The following SMG7 variants were observed in gnomAD, a reference collection of about 807,000 sequenced individuals.
SMG7 encodes the protein nonsense-mediated mRNA decay factor SMG7.
A neutral mutation model predicts 148.2 loss-of-function variants in SMG7; 34 were observed. The observed-to-expected ratio is 0.23, with a 90% CI of 0.17 to 0.31. SMG7 has a LOEUF of 0.31. Ranked by LOEUF, SMG7 falls within the 10% of genes least tolerant of loss-of-function variation. The pLI is 1.00. For synonymous variants in SMG7, 492 were observed against 515.1 expected, an observed-to-expected ratio of 0.96 and a Z score of 0.61; for missense variants, 1,114 against 1,408.4, an observed-to-expected ratio of 0.79 and a Z score of 3.35.
At chr1:183,518,909 A>G (rs183078503) in intron 4 of SMG7, among the ~76,000 whole-genome samples, 10 of 152,300 alleles carry the variant, frequency 6.6e-5, no homozygotes, top group Non-Finnish European at 8.8e-5. Flanking sequence ...ATTGCTGCCT[A>G]TATTTTGGCT....
At chr1:183,515,505 A>G (rs1663274836) in intron 2 of SMG7, among the ~76,000 whole-genome samples, 1 of 152,096 alleles carries the variant, frequency 6.6e-6, no homozygotes, top group Non-Finnish European at 1.5e-5. Context: ...GACCAACTTG[A>G]CAGTCTGTTA....
chr1:183,488,498 C>G (rs1490554686), intron 1 of SMG7, among the ~76,000 whole-genome samples: 1 of 152,064 alleles, frequency 6.6e-6, no homozygotes, highest in Non-Finnish European at 1.5e-5. Context: ...GTGTGGTAGC[C>G]ACTGGCCACA....
At chr1:183,518,330 T>C (rs767083598) in intron 4 of SMG7, among the ~76,000 whole-genome samples, 9 of 151,456 alleles carry the variant, frequency 5.9e-5, no homozygotes, top group Non-Finnish European at 8.8e-5. Context: ...AGCTTAAAGG[T>C]TGGAAGTTTA....
At position 183,472,711 on chromosome 1, in the gene SMG7, A is replaced by G. The variant is rs3905119; in HGVS notation, c.29+62A>G. ...GGGCCGCAGGTTGGGGCATGGAGCA[A>G]CAGACACCGAGGTAAGTCCGGGGTG... is the stretch of plus-strand genomic sequence containing the variant. On this transcript the variant is annotated intron_variant, in intron 1 of 22. Transcript: ENST00000688051. The G allele has an allele frequency of 3.7e-4, 506 of 1,375,296 alleles. 3 individuals carry two copies. The African/African-American group carries it at 6.3e-3, about 17-fold the overall frequency. The allele number at this position is 1,375,296 out of a possible 1,614,324, so 85.2% of individuals were successfully genotyped here.
chr1:183,522,271 T>C lies in SMG7; in HGVS notation c.313-4325T>C, dbSNP rs545847819. Among the ~76,000 whole-genome samples, 13 of 152,262 alleles carry C rather than the reference T, an allele frequency of 8.5e-5. No individual in the cohort carries two copies. In the South Asian group the frequency reaches 2.7e-3, roughly 32 times the overall value. On this transcript the variant is annotated intron_variant, in intron 4 of 22. Coordinates refer to ENST00000688051, the MANE Select transcript of SMG7 (RefSeq NM_001375584.1). The stretch of plus-strand genomic sequence containing the variant: ...ACATCATAAAATCATAAAAATTTTA[T>C]GATTATAGTAAAGAACCCTGACTTA...
chr1:183,495,933 A>T (rs1411926357), intron 1 of SMG7, among the ~76,000 whole-genome samples: 1 of 152,036 alleles, frequency 6.6e-6, no homozygotes, highest in Non-Finnish European at 1.5e-5. Flanking sequence ...TTTAGCTTTT[A>T]ATATATGAAC....
chr1:183,540,888 A>G (rs1668697044), intron 12 of SMG7, 96 bp from the exon 13 acceptor site: 1 of 1,150,782 alleles, frequency 8.7e-7, no homozygotes. Flanking sequence ...TGTGGGAAGT[A>G]ATCTGAAGCC....
chr1:183,485,295 A>G (rs1655168505), intron 1 of SMG7, among the ~76,000 whole-genome samples: 1 of 152,114 alleles, frequency 6.6e-6, no homozygotes, highest in Non-Finnish European at 1.5e-5. Context: ...ACATAATGTA[A>G]TATGTAGAAT....
chr1:183,535,493 T>G (rs1255284484), intron 10 of SMG7, among the ~76,000 whole-genome samples: 1 of 152,230 alleles, frequency 6.6e-6, no homozygotes, highest in Non-Finnish European at 1.5e-5. Context: ...GGATATCACT[T>G]TAAAACTGAA....
chr1:183,515,355 C>A (rs1054269971), intron 2 of SMG7, among the ~76,000 whole-genome samples: 1 of 152,090 alleles, frequency 6.6e-6, no homozygotes, highest in Non-Finnish European at 1.5e-5. Flanking sequence ...CTGCAGAATA[C>A]CAAAGCAACT....
rs1383759771 is a variant in SMG7, at chr1:183,550,620, T to G, written c.3134-131T>G. The stretch of plus-strand genomic sequence containing the variant: ...TAGCAGATCTCTTTGGAGCCTTTAG[T>G]TTCCCTTTCCTTCAAAGCCCTGTGG... On this transcript the variant is annotated intron_variant, in intron 20 of 22. Transcript: ENST00000688051. 9.3e-6 allele frequency: 8 copies of G among 861,174 alleles called. No homozygotes were observed. In the East Asian group the frequency reaches 2.1e-4, roughly 22 times the overall value. The allele number at this position is 861,174 out of a possible 1,614,324, so 53.3% of individuals were successfully genotyped here. A position where few individuals can be genotyped will look rare whatever the true frequency, so the allele number is the denominator to read the frequency against.
chr1:183,512,876 C>A lies in SMG7; in HGVS notation c.61+8C>A. 1 of 1,539,720 alleles carries A rather than the reference C, an allele frequency of 6.5e-7. No homozygotes were observed. The highest frequency in any genetic ancestry group is 8.7e-7 in the Non-Finnish European group (1 of 1,143,666). ...TGAAGGCTGACATGACAGGTATTGGCTGGCTTATTTCTTTTTCACAACATA... is the reference window on the plus strand; with the variant it reads ...TGAAGGCTGACATGACAGGTATTGGATGGCTTATTTCTTTTTCACAACATA... On this transcript the variant is annotated splice_region_variant and intron_variant, in intron 2 of 22. Transcript: ENST00000688051.
chr1:183,545,926 C>T lies in SMG7; in HGVS notation c.2371-40C>T, dbSNP rs1164621011. On this transcript the variant is annotated intron_variant, in intron 16 of 22. Coordinates refer to ENST00000688051, the MANE Select transcript of SMG7 (RefSeq NM_001375584.1). ...TTAGCATTCATTATAAGTAATATTG[C>T]ATTTTATCCTCACCTTTATGACAGG... 5.9e-6 allele frequency: 9 copies of T among 1,533,536 alleles called. No individual in the cohort carries two copies. In the Admixed American group the frequency reaches 2.0e-4, roughly 34 times the overall value. The allele number at this position is 1,533,536 out of a possible 1,614,324, so 95.0% of individuals were successfully genotyped here.
Position 183,472,620 on chromosome 1 carries a change from G to T in SMG7, c.-1G>T. On this transcript the variant is annotated 5_prime_UTR_variant, in exon 1 of 23. Coordinates refer to ENST00000688051, the MANE Select transcript of SMG7 (RefSeq NM_001375584.1). ...GGAAGACGCGGCGGCGGCGGCGGAG[G>T]ATGAGCCTGCAGAGCGCGCAGTACC... The T allele has an allele frequency of 6.9e-7, 1 of 1,456,752 alleles. No homozygotes were observed. The highest frequency in any genetic ancestry group is 9.1e-7 in the Non-Finnish European group (1 of 1,093,400). The allele number at this position is 1,456,752 out of a possible 1,614,324, so 90.2% of individuals were successfully genotyped here.
At chr1:183,482,036 G>A (rs1170822972) in intron 1 of SMG7, among the ~76,000 whole-genome samples, 1 of 152,088 alleles carries the variant, frequency 6.6e-6, no homozygotes. Context: ...GAGTATAGCA[G>A]GCAAAGAACA....
chr1:183,536,257 CTAAT>C (rs892954481), intron 10 of SMG7, among the ~76,000 whole-genome samples: 2 of 152,092 alleles, frequency 1.3e-5, no homozygotes, highest in African/African-American at 4.8e-5. Flanking sequence ...TTATTTTAAG[CTAAT>C]TACTTTAACC....
chr1:183,499,942 A>G (rs772313518), intron 1 of SMG7, among the ~76,000 whole-genome samples: 8 of 152,156 alleles, frequency 5.3e-5, no homozygotes, highest in Non-Finnish European at 7.4e-5. Flanking sequence ...TTATCTGACC[A>G]TTTATATATT....
rs771384293 is a variant in SMG7, at chr1:183,529,538, G to T, written c.843+5G>T. Reference sequence around the variant, plus strand: ...AAATTGGAAGAACAGTTTAAGGTTAGATTTCAGAAATAGAGAATTTTTGTC... The same window carrying T: ...AAATTGGAAGAACAGTTTAAGGTTATATTTCAGAAATAGAGAATTTTTGTC... On this transcript the variant is annotated splice_donor_5th_base_variant and intron_variant, in intron 8 of 22. Transcript: ENST00000688051. The T allele has an allele frequency of 1.2e-6, 2 of 1,604,942 alleles. No individual in the cohort carries two copies. Among genetic ancestry groups the T allele is most frequent in the South Asian group, 2.2e-5 (2 of 89,142 alleles).
In SMG7 at chr1:183,529,438, A is replaced by G. The variant is rs766950124; in HGVS notation, c.748A>G (p.Ile250Val). 6.2e-7 allele frequency: 1 copy of G among 1,613,500 alleles called. No homozygotes were observed. The highest frequency in any genetic ancestry group is 8.5e-7 in the Non-Finnish European group (1 of 1,179,538). ...VKTKWGVSDF[I>V]KAFIKFHGHV... ...AACCAAGTGGGGTGTTTCTGACTTC[A>G]TCAAGGCCTTTATTAAATTCCACGG... Residue 250 changes from isoleucine to valine, a missense_variant, in exon 8 of 23, where the codon ATC becomes GTC. Physicochemically the swap from Ile to Val is conservative, Grantham distance 29. This residue lies in a region of SMG7 where 216 missense variants were observed against 329.1 expected (regional missense o/e 0.66). Transcript: ENST00000688051.
Sources: gnomAD v4.1 joint callset for allele counts (sites outside exome capture counted in the v4.1 genomes callset) on GRCh38, gnomAD v4.1.1 for gene constraint, gnomAD v4.1.1 regional missense constraint, MANE v1.5 for transcripts, NCBI Gene and HGNC (gene_info 2026-07-23, HGNC 2026-07-21) for gene names.